The following CNTNAP2 variants were observed in gnomAD, a reference collection of about 807,000 sequenced individuals.
The protein encoded by CNTNAP2 is contactin-associated protein-like 2.
In CNTNAP2, 98 loss-of-function variants were observed where a neutral mutation model predicts 155.2. The observed-to-expected ratio is 0.63, with a 90% CI of 0.54 to 0.75. The LOEUF is 0.75. Among genes scored for constraint, CNTNAP2 ranks in the 30% least tolerant of loss-of-function variants. CNTNAP2 has a pLI of 0.00. For synonymous variants in CNTNAP2, 651 were observed against 631.2 expected (o/e 1.03, Z -0.47); for missense variants, 1,727 against 1,688.1 (o/e 1.02, Z -0.40).
At chr7:147,414,663 C>G (rs1250339860) in intron 10 of CNTNAP2, among the ~76,000 whole-genome samples, 1 of 151,330 alleles carries the variant, frequency 6.6e-6, no homozygotes, top group Non-Finnish European at 1.5e-5. Context: ...TGGATTCTCC[C>G]AGGTGCGGTG....
intron 3 of CNTNAP2, among the ~76,000 whole-genome samples, chr7:147,009,606 A>G (rs1361839115): frequency 2.0e-5 from 3 of 152,200 alleles, no homozygotes; most frequent in Admixed American, 6.5e-5. Flanking sequence ...GGAAATACAT[A>G]TAAATATGGA....
intron 11 of CNTNAP2, among the ~76,000 whole-genome samples, chr7:147,498,563 G>C (rs1221711293): frequency 6.6e-6 from 1 of 152,194 alleles, no homozygotes; most frequent in Non-Finnish European, 1.5e-5. Context: ...GGCAAAAATA[G>C]TATAGAGGAG....
intron 2 of CNTNAP2, among the ~76,000 whole-genome samples, chr7:146,813,328 G>T: frequency 6.6e-6 from 1 of 152,260 alleles, no homozygotes; most frequent in Non-Finnish European, 1.5e-5. Context: ...AGTCACAGGG[G>T]CGGAGCTCCT....
intron 4 of CNTNAP2, among the ~76,000 whole-genome samples, chr7:147,079,074 C>T (rs1440332712): frequency 6.6e-6 from 1 of 152,054 alleles, no homozygotes; most frequent in Non-Finnish European, 1.5e-5. Flanking sequence ...GATGTCAAAC[C>T]TTAATTTAGT....
intron 3 of CNTNAP2, among the ~76,000 whole-genome samples, chr7:146,938,088 A>C (rs1030525414): frequency 5.3e-5 from 8 of 152,298 alleles, no homozygotes; most frequent in Admixed American, 1.3e-4. Flanking sequence ...TAAAAGAGGT[A>C]GTTAATCTAT....
chr7:148,193,351 C>T (rs1795229606), intron 18 of CNTNAP2, among the ~76,000 whole-genome samples: 1 of 152,198 alleles, frequency 6.6e-6, no homozygotes, highest in African/African-American at 2.4e-5. Flanking sequence ...GAGGGGCCCA[C>T]ACATATATGT....
chr7:148,049,040 C>T (rs1324326804), intron 15 of CNTNAP2, among the ~76,000 whole-genome samples: 1 of 151,984 alleles, frequency 6.6e-6, no homozygotes, highest in African/African-American at 2.4e-5. Flanking sequence ...GGTGAAACCC[C>T]ATCTCTACTA....
At chr7:146,247,906 C>A (rs1799688537) in intron 1 of CNTNAP2, among the ~76,000 whole-genome samples, 1 of 151,736 alleles carries the variant, frequency 6.6e-6, no homozygotes, top group African/African-American at 2.4e-5. Flanking sequence ...TTCTTGCCCT[C>A]CAGAAAAGCA....
intron 1 of CNTNAP2, among the ~76,000 whole-genome samples, chr7:146,766,525 A>G (rs1459712639): frequency 1.3e-5 from 2 of 152,164 alleles, no homozygotes; most frequent in African/African-American, 4.8e-5. Context: ...TTTGTCCCAG[A>G]AAACTAGACT....
chr7:148,092,434 T>A (rs1803863174), intron 15 of CNTNAP2, among the ~76,000 whole-genome samples: 1 of 152,138 alleles, frequency 6.6e-6, no homozygotes. Context: ...GTTTTGTTCT[T>A]GCCTTGGATG....
At chr7:148,321,007 G>A (rs1797782543) in intron 21 of CNTNAP2, among the ~76,000 whole-genome samples, 2 of 152,094 alleles carry the variant, frequency 1.3e-5, no homozygotes, top group African/African-American at 2.4e-5. Flanking sequence ...AGTAAAGAGA[G>A]GTTTCTTCTA....
At chr7:147,586,613 G>T (rs1800631483) in intron 12 of CNTNAP2, among the ~76,000 whole-genome samples, 1 of 151,042 alleles carries the variant, frequency 6.6e-6, no homozygotes, top group Non-Finnish European at 1.5e-5. Flanking sequence ...GAGGGAATGG[G>T]AGGGTAAAGA....
At chr7:147,368,463 A>G (rs2116910068) in intron 9 of CNTNAP2, among the ~76,000 whole-genome samples, 1 of 150,378 alleles carries the variant, frequency 6.6e-6, no homozygotes, top group East Asian at 2.1e-4. Flanking sequence ...TGAAATATAG[A>G]GTGTCTAATA....
At chr7:148,322,798 T>TTG (rs1797817599) in intron 21 of CNTNAP2, among the ~76,000 whole-genome samples, 1 of 23,196 alleles carries the variant, frequency 4.3e-5, no homozygotes, top group African/African-American at 2.6e-4. Context: ...TTTTTTGGGG[T>TTG]TTTTTTTTTT....
chr7:146,817,094 C>T (rs1803186079), intron 2 of CNTNAP2, among the ~76,000 whole-genome samples: 2 of 152,082 alleles, frequency 1.3e-5, no homozygotes, highest in African/African-American at 4.8e-5. Flanking sequence ...TGTCTCTGAT[C>T]CCCAGATAGT....
At chr7:147,105,861 C>A (rs1442970613) in intron 4 of CNTNAP2, among the ~76,000 whole-genome samples, 1 of 151,980 alleles carries the variant, frequency 6.6e-6, no homozygotes, top group Non-Finnish European at 1.5e-5. Context: ...TGACAACTTA[C>A]CATTTGTAAA....
intron 8 of CNTNAP2, among the ~76,000 whole-genome samples, chr7:147,241,587 C>G (rs1803938478): frequency 6.8e-6 from 1 of 148,144 alleles, no homozygotes; most frequent in Non-Finnish European, 1.5e-5. Flanking sequence ...GAGATCGTGC[C>G]ATTGCACTCC....
At chr7:147,250,853 A>G (rs1208460955) in intron 8 of CNTNAP2, among the ~76,000 whole-genome samples, 1 of 152,170 alleles carries the variant, frequency 6.6e-6, no homozygotes, top group Non-Finnish European at 1.5e-5. Flanking sequence ...CAAGTCCTCC[A>G]GGTGATTCTG....
At chr7:148,158,345 C>T (rs942461446) in intron 17 of CNTNAP2, among the ~76,000 whole-genome samples, 1 of 149,820 alleles carries the variant, frequency 6.7e-6, no homozygotes, top group Non-Finnish European at 1.5e-5. Context: ...GCCTTGGCCT[C>T]CCAGGTAGCT....
Sources: gnomAD v4.1 joint callset for allele counts (sites outside exome capture counted in the v4.1 genomes callset) on GRCh38, gnomAD v4.1.1 for gene constraint, MANE v1.5 for transcripts, NCBI Gene and HGNC (gene_info 2026-07-23, HGNC 2026-07-21) for gene names.